Variants in FGGY observed in about 807,000 individuals in gnomAD.
FGGY encodes the protein FGGY carbohydrate kinase domain-containing protein.
A neutral mutation model predicts 71.3 loss-of-function variants in FGGY; 72 were observed. The observed-to-expected ratio is 1.01, with a 90% CI of 0.84 to 1.23. FGGY has a LOEUF of 1.23. Ranked by LOEUF, FGGY falls within the 50% of genes most tolerant of loss-of-function variation. The pLI is 0.00. For synonymous variants in FGGY, 251 were observed against 250.3 expected, an observed-to-expected ratio of 1.00 and a Z score of -0.02; for missense variants, 668 against 682.3, an observed-to-expected ratio of 0.98 and a Z score of 0.23.
intron 7 of FGGY, among the ~76,000 whole-genome samples, chr1:59,536,316 C>T (rs1420167752): frequency 1.3e-5 from 2 of 152,174 alleles, no homozygotes; most frequent in African/African-American, 2.4e-5. Flanking sequence ...ATAACAGGCT[C>T]TGAAATTGTG....
intron 2 of FGGY, among the ~76,000 whole-genome samples, chr1:59,334,078 C>A (rs2048995484): frequency 6.6e-6 from 1 of 152,184 alleles, no homozygotes; most frequent in Admixed American, 6.5e-5. Flanking sequence ...GTGACAAGTG[C>A]AAGTTCCTTA....
At chr1:59,559,515 C>T (rs2095751150) in intron 8 of FGGY, among the ~76,000 whole-genome samples, 1 of 152,242 alleles carries the variant, frequency 6.6e-6, no homozygotes, top group African/African-American at 2.4e-5. Flanking sequence ...TTTCCTGGCT[C>T]TGTTAGCTGA....
At position 59,517,456 on chromosome 1, in the gene FGGY, G is replaced by A. The variant is rs1357059866; in HGVS notation, c.799+5017G>A. Reference sequence around the variant, plus strand: ...AATTTTTTGTATTTTTAGTAGAGACGGGGTTTCACCGTTTTAGCCGGGATG... The same window carrying A: ...AATTTTTTGTATTTTTAGTAGAGACAGGGTTTCACCGTTTTAGCCGGGATG... On this transcript the variant is annotated intron_variant, in intron 7 of 15. Coordinates refer to ENST00000303721, the MANE Select transcript of FGGY (RefSeq NM_018291.5). 5.3e-5 allele frequency among the ~76,000 whole-genome samples: 8 copies of A among 151,552 alleles called. No individual in the cohort carries two copies. The East Asian group carries it at 1.4e-3, about 26-fold the overall frequency.
chr1:59,467,425 C>A (rs2092700412), intron 6 of FGGY, among the ~76,000 whole-genome samples: 1 of 151,784 alleles, frequency 6.6e-6, no homozygotes. Flanking sequence ...TGCAGCAAAC[C>A]AACATGGCAT....
intron 14 of FGGY, among the ~76,000 whole-genome samples, chr1:59,702,736 G>A (rs534099186): frequency 4.5e-4 from 68 of 152,260 alleles, no homozygotes; most frequent in African/African-American, 1.4e-3. Context: ...GCCAGGCAAT[G>A]TCTAAATTTA....
chr1:59,627,114 G>A (rs952134664), intron 10 of FGGY, among the ~76,000 whole-genome samples: 15 of 151,936 alleles, frequency 9.9e-5, no homozygotes, highest in Non-Finnish European at 1.5e-5. Context: ...AAAATGAAAT[G>A]CACACAGTAA....
At chr1:59,531,895 C>G (rs2095155205) in intron 7 of FGGY, among the ~76,000 whole-genome samples, 1 of 152,206 alleles carries the variant, frequency 6.6e-6, no homozygotes, top group African/African-American at 2.4e-5. Flanking sequence ...CTTGAGCTAA[C>G]TGCAAGAAGC....
intron 2 of FGGY, among the ~76,000 whole-genome samples, chr1:59,330,687 G>A (rs1042977357): frequency 5.3e-5 from 8 of 152,144 alleles, no homozygotes; most frequent in Non-Finnish European, 8.8e-5. Flanking sequence ...GAAGACAATT[G>A]GAACTGGAGG....
intron 14 of FGGY, among the ~76,000 whole-genome samples, chr1:59,725,417 C>T (rs2100760321): frequency 6.6e-6 from 1 of 152,186 alleles, no homozygotes; most frequent in South Asian, 2.1e-4. Flanking sequence ...AGTTCACTGA[C>T]TTTGTTCTTT....
At chr1:59,612,333 G>T (rs6700535) in intron 9 of FGGY, among the ~76,000 whole-genome samples, 169 of 152,294 alleles carry the variant, frequency 1.1e-3, no homozygotes, top group African/African-American at 4.0e-3. Context: ...GAGAGTGGGG[G>T]CCAATATTCA....
intron 14 of FGGY, among the ~76,000 whole-genome samples, chr1:59,693,097 G>A (rs1477745189): frequency 6.6e-6 from 1 of 152,230 alleles, no homozygotes; most frequent in Non-Finnish European, 1.5e-5. Flanking sequence ...GATAATATTT[G>A]TGTAAGCATC....
chr1:59,324,581 C>T (rs1487496512), intron 2 of FGGY, among the ~76,000 whole-genome samples: 2 of 152,226 alleles, frequency 1.3e-5, no homozygotes, highest in East Asian at 3.9e-4. Flanking sequence ...CGGCCAATAA[C>T]TACTTTTTAA....
intron 2 of FGGY, among the ~76,000 whole-genome samples, chr1:59,339,301 C>A (rs1179419208): frequency 6.6e-6 from 1 of 152,038 alleles, no homozygotes; most frequent in African/African-American, 2.4e-5. Flanking sequence ...TAGTATTAAT[C>A]TTTTATATTT....
rs563238274 is a variant in FGGY at position 59,322,373 on chromosome 1, G to T, written c.201+623G>T. Among the ~76,000 whole-genome samples, 232 of 151,324 alleles carry T rather than the reference G, an allele frequency of 1.5e-3. 1 individual carries two copies. Among genetic ancestry groups the T allele is most frequent in the African/African-American group, 5.5e-3 (225 of 41,132 alleles). On this transcript the variant is annotated intron_variant, in intron 2 of 15. Transcript: ENST00000303721. Reference sequence around the variant, plus strand: ...TAAGTTCTTTAGTGGTGATTTCTGAGATTTTGGTGCACTCATCACCCAAGC... The same window carrying T: ...TAAGTTCTTTAGTGGTGATTTCTGATATTTTGGTGCACTCATCACCCAAGC...
intron 6 of FGGY, among the ~76,000 whole-genome samples, chr1:59,502,016 A>T (rs2094241011): frequency 6.6e-6 from 1 of 152,220 alleles, no homozygotes; most frequent in Non-Finnish European, 1.5e-5. Context: ...ATGCTAAAAC[A>T]CTTATTTGCA....
chr1:59,632,406 C>T (rs558638205), intron 10 of FGGY, among the ~76,000 whole-genome samples: 2 of 152,156 alleles, frequency 1.3e-5, no homozygotes, highest in African/African-American at 4.8e-5. Context: ...TCTGTTATTC[C>T]TCTGAGGACA....
intron 6 of FGGY, among the ~76,000 whole-genome samples, chr1:59,497,189 A>ACAT (rs2153599788): frequency 6.6e-6 from 1 of 152,320 alleles, no homozygotes; most frequent in Non-Finnish European, 1.5e-5. Flanking sequence ...CAAACATCCC[A>ACAT]CATCATCATC....
intron 7 of FGGY, among the ~76,000 whole-genome samples, chr1:59,528,871 C>T (rs760942987): frequency 2.6e-5 from 4 of 152,216 alleles, no homozygotes; most frequent in Non-Finnish European, 4.4e-5. Context: ...ATACTGTCTG[C>T]TTTACTGTGG....
At chr1:59,746,333 C>G (rs1213204837) in intron 14 of FGGY, among the ~76,000 whole-genome samples, 1 of 152,174 alleles carries the variant, frequency 6.6e-6, no homozygotes, top group Non-Finnish European at 1.5e-5. Context: ...TCACCTTCCC[C>G]AACCCACCTG....
Sources: allele counts gnomAD v4.1 joint callset (sites outside exome capture counted in the v4.1 genomes callset), GRCh38; gene constraint gnomAD v4.1.1; transcripts MANE v1.5; gene names NCBI Gene and HGNC (gene_info 2026-07-23, HGNC 2026-07-21).